The following IMMP2L variants were observed in gnomAD, a reference collection of about 807,000 sequenced individuals.
The protein encoded by IMMP2L is inner mitochondrial membrane peptidase subunit 2.
A neutral mutation model predicts 19.3 loss-of-function variants in IMMP2L; 18 were observed. That is an observed-to-expected ratio of 0.93 (90% CI 0.64 to 1.38). The LOEUF is 1.38. IMMP2L is among the 40% of genes most tolerant of loss of function. IMMP2L has a pLI of 0.00. For missense variants in IMMP2L, 233 were observed against 218.2 expected (o/e 1.07, Z -0.43); for synonymous variants, 76 against 73.0 (o/e 1.04, Z -0.21).
At chr7:110,783,630 C>A (rs904217918) in intron 5 of IMMP2L, among the ~76,000 whole-genome samples, 1 of 151,904 alleles carries the variant, frequency 6.6e-6, no homozygotes, top group Admixed American at 6.6e-5. Flanking sequence ...AGGGTTTTCA[C>A]AGCATTTTAC....
At chr7:110,846,219 C>T (rs943140520) in intron 5 of IMMP2L, among the ~76,000 whole-genome samples, 4 of 152,084 alleles carry the variant, frequency 2.6e-5, no homozygotes, top group South Asian at 2.1e-4. Flanking sequence ...CCAAGAAAAC[C>T]GAGAACCTGA....
chr7:110,800,231 G>C (rs1015904016), intron 5 of IMMP2L, among the ~76,000 whole-genome samples: 2 of 152,002 alleles, frequency 1.3e-5, no homozygotes, highest in Admixed American at 1.3e-4. Context: ...AAAGTATCAA[G>C]AGGGAAGTCT....
chr7:111,142,903 A>C (rs947020607), intron 3 of IMMP2L, among the ~76,000 whole-genome samples: 1 of 152,134 alleles, frequency 6.6e-6, no homozygotes, highest in South Asian at 2.1e-4. Flanking sequence ...TTAGATAGTG[A>C]TATCTTTTAC....
intron 3 of IMMP2L, among the ~76,000 whole-genome samples, chr7:111,057,107 C>G (rs1228105702): frequency 6.6e-6 from 1 of 152,092 alleles, no homozygotes; most frequent in Admixed American, 6.5e-5. Flanking sequence ...ATAAAGGACA[C>G]GACACTTTGG....
chr7:110,977,628 C>T (rs1001314684), intron 3 of IMMP2L, among the ~76,000 whole-genome samples: 1 of 151,946 alleles, frequency 6.6e-6, no homozygotes, highest in East Asian at 1.9e-4. Context: ...AAATAGCAAG[C>T]TTGACTCTAC....
Position 110,825,379 on chromosome 7 carries a change from G to A in IMMP2L, c.408+61214C>T, listed in dbSNP as rs560876107. On this transcript the variant is annotated intron_variant, in intron 5 of 5. Transcript: ENST00000405709. ...ACCAAAAAAGAGCCCGCATTGCCAA[G>A]TCAATCCTAAGCCAAAACAACAGAG... Among the ~76,000 whole-genome samples, 15 of 152,224 alleles carry A rather than the reference G, an allele frequency of 9.9e-5. No individual in the cohort carries two copies. The South Asian group carries it at 3.1e-3, about 32-fold the overall frequency.
intron 3 of IMMP2L, among the ~76,000 whole-genome samples, chr7:111,150,208 T>G (rs1376851923): frequency 6.6e-6 from 1 of 152,148 alleles, no homozygotes; most frequent in Non-Finnish European, 1.5e-5. Flanking sequence ...CCACCAAAGA[T>G]ACATGCTCTC....
At chr7:111,491,226 TA>T in intron 2 of IMMP2L, among the ~76,000 whole-genome samples, 1 of 152,120 alleles carries the variant, frequency 6.6e-6, no homozygotes, top group Non-Finnish European at 1.5e-5. Flanking sequence ...ATATAGCATA[TA>T]AAAATATGTG....
chr7:110,757,031 T>A lies in IMMP2L; in HGVS notation c.409-93310A>T, dbSNP rs1342138955. Among the ~76,000 whole-genome samples the A allele has an allele frequency of 6.6e-6, 1 of 152,102 alleles. No homozygotes were observed. The highest frequency in any genetic ancestry group is 6.6e-5 in the Admixed American group (1 of 15,234). ...CTGAGGCACTATATGCAGTATGTAA[T>A]GAAAGATACTGAAATTCCTGCCCTG... On this transcript the variant is annotated intron_variant, in intron 5 of 5. Coordinates refer to ENST00000405709, the MANE Select transcript of IMMP2L (RefSeq NM_032549.4). The surrounding 1 kb of genome is among the most constrained non-coding windows in gnomAD (Gnocchi z 4.2).
chr7:110,769,951 C>T (rs1051527243), intron 5 of IMMP2L, among the ~76,000 whole-genome samples: 3 of 152,040 alleles, frequency 2.0e-5, no homozygotes, highest in African/African-American at 4.8e-5. Flanking sequence ...GTTGACTATC[C>T]GAACTGTTGG....
At chr7:111,561,196 C>A (rs1792001797) in intron 1 of IMMP2L, among the ~76,000 whole-genome samples, 1 of 152,058 alleles carries the variant, frequency 6.6e-6, no homozygotes, top group Admixed American at 6.6e-5. Context: ...CACAGTAAGC[C>A]TCAGAGAACT....
chr7:110,900,615 T>G (rs142677957), intron 4 of IMMP2L, among the ~76,000 whole-genome samples: 350 of 152,306 alleles, frequency 2.3e-3, no homozygotes, highest in African/African-American at 8.1e-3. Flanking sequence ...TACGAACTGC[T>G]TACTTTGGCT....
chr7:110,946,932 G>A (rs1817313512), intron 4 of IMMP2L, among the ~76,000 whole-genome samples: 1 of 151,928 alleles, frequency 6.6e-6, no homozygotes. Context: ...GTGTTAGTCA[G>A]GATGGTCTCG....
At chr7:111,446,744 C>G (rs963768928) in intron 3 of IMMP2L, among the ~76,000 whole-genome samples, 1 of 152,112 alleles carries the variant, frequency 6.6e-6, no homozygotes. Flanking sequence ...ACGCTTCAGA[C>G]GATCAAATTA....
At chr7:111,366,365 C>A (rs1829763589) in intron 3 of IMMP2L, among the ~76,000 whole-genome samples, 2 of 147,748 alleles carry the variant, frequency 1.4e-5, no homozygotes, top group South Asian at 4.2e-4. Context: ...AAAGAAAGAG[C>A]AAGGGCGCTG....
chr7:111,001,800 T>C (rs1823727846), intron 3 of IMMP2L, among the ~76,000 whole-genome samples: 1 of 152,150 alleles, frequency 6.6e-6, no homozygotes, highest in African/African-American at 2.4e-5. Context: ...AAATATTTCA[T>C]CTGATATCAT....
intron 3 of IMMP2L, among the ~76,000 whole-genome samples, chr7:111,098,284 T>C (rs1797611999): frequency 6.6e-6 from 1 of 151,826 alleles, no homozygotes; most frequent in Admixed American, 6.6e-5. Context: ...AACACCACAG[T>C]TGTTGAAAGA....
At chr7:111,417,796 T>C (rs1835094055) in intron 3 of IMMP2L, among the ~76,000 whole-genome samples, 1 of 151,952 alleles carries the variant, frequency 6.6e-6, no homozygotes, top group Non-Finnish European at 1.5e-5. Context: ...ATAGTGCATA[T>C]ACAATTATAA....
intron 3 of IMMP2L, among the ~76,000 whole-genome samples, chr7:111,370,453 T>C (rs963280835): frequency 6.6e-6 from 1 of 151,982 alleles, no homozygotes; most frequent in Non-Finnish European, 1.5e-5. Context: ...AAAATCTCTG[T>C]TTTCAGGGAG....
Sources: allele counts gnomAD v4.1 joint callset (sites outside exome capture counted in the v4.1 genomes callset), GRCh38; gene constraint gnomAD v4.1.1; non-coding constraint Gnocchi (gnomAD v3.1); transcripts MANE v1.5; gene names NCBI Gene and HGNC (gene_info 2026-07-23, HGNC 2026-07-21).